The following LRP1B variants were observed in gnomAD, a reference collection of about 807,000 sequenced individuals.
LRP1B encodes LDL receptor related protein 1B.
LRP1B carries 217 observed loss-of-function variants against 556.6 expected under a neutral mutation model. The observed-to-expected ratio is 0.39, with a 90% confidence interval of 0.35 to 0.44. The LOEUF (loss-of-function observed/expected upper bound fraction) is 0.44. Ranked by LOEUF, LRP1B falls within the 20% of genes least tolerant of loss-of-function variation. LRP1B has a pLI of 1.00. For synonymous variants in LRP1B, 2,047 were observed against 1,865.8 expected (o/e 1.10, Z -2.50); for missense variants, 5,053 against 5,620.8 (o/e 0.90, Z 3.23).
At chr2:141,888,138 AAGTGGT>A (rs1699181266) in intron 1 of LRP1B, among the ~76,000 whole-genome samples, 2 of 152,194 alleles carry the variant, frequency 1.3e-5, no homozygotes, top group Non-Finnish European at 2.9e-5. Context: ...ACTTTGCCTA[AAGTGGT>A]CAAAATGTTC....
At chr2:140,619,845 T>C (rs1475660545) in intron 41 of LRP1B, among the ~76,000 whole-genome samples, 1 of 152,162 alleles carries the variant, frequency 6.6e-6, no homozygotes, top group Non-Finnish European at 1.5e-5. Context: ...AAATATTTCA[T>C]ATAAGTAAAA....
intron 35 of LRP1B, among the ~76,000 whole-genome samples, chr2:140,731,215 G>A (rs1434805149): frequency 1.3e-5 from 2 of 152,078 alleles, no homozygotes; most frequent in South Asian, 2.1e-4. Context: ...TCTCTCTATA[G>A]TTATACTTTA....
At chr2:141,171,100 C>T (rs1326978665) in intron 7 of LRP1B, among the ~76,000 whole-genome samples, 1 of 152,088 alleles carries the variant, frequency 6.6e-6, no homozygotes, top group Non-Finnish European at 1.5e-5. Flanking sequence ...CTCCTGTCTT[C>T]CTCACTGGCA....
chr2:141,452,153 A>G (rs1559077732), intron 3 of LRP1B, among the ~76,000 whole-genome samples: 1 of 152,186 alleles, frequency 6.6e-6, no homozygotes, highest in Non-Finnish European at 1.5e-5. Flanking sequence ...ACTGTACAAA[A>G]TTATTCCCAC....
chr2:140,473,250 A>C (rs1687841109), intron 60 of LRP1B, among the ~76,000 whole-genome samples: 1 of 151,994 alleles, frequency 6.6e-6, no homozygotes, highest in African/African-American at 2.4e-5. Flanking sequence ...GCACTTAATG[A>C]ATTTTTCACT....
intron 2 of LRP1B, among the ~76,000 whole-genome samples, chr2:141,637,967 G>A (rs918655355): frequency 6.6e-6 from 1 of 152,106 alleles, no homozygotes; most frequent in Non-Finnish European, 1.5e-5. Context: ...TTAAAAGGCA[G>A]GGGCAGGTGG....
chr2:141,643,778 T>A (rs1190367208), intron 2 of LRP1B, among the ~76,000 whole-genome samples: 4 of 152,124 alleles, frequency 2.6e-5, no homozygotes, highest in Non-Finnish European at 5.9e-5. Context: ...AGGACGATGC[T>A]GTGACCCCCT....
chr2:142,014,348 G>A (rs1351914451), intron 1 of LRP1B, among the ~76,000 whole-genome samples: 1 of 152,162 alleles, frequency 6.6e-6, no homozygotes, highest in Non-Finnish European at 1.5e-5. Flanking sequence ...TATGGCTTTA[G>A]TCTGGAATTC....
intron 86 of LRP1B, among the ~76,000 whole-genome samples, chr2:140,267,736 T>C (rs949695028): frequency 6.6e-6 from 1 of 151,978 alleles, no homozygotes; most frequent in Admixed American, 6.6e-5. Context: ...ACTATCAAAA[T>C]AGATTTTAAG....
chr2:141,589,177 A>G (rs1378246518), intron 2 of LRP1B, among the ~76,000 whole-genome samples: 1 of 152,198 alleles, frequency 6.6e-6, no homozygotes, highest in East Asian at 1.9e-4. Context: ...AAACAACATA[A>G]CAGCTAAAGT....
rs567726976 is a variant in LRP1B, at chr2:140,975,932, A to G, written c.2887+6228T>C. Reference sequence around the variant, plus strand: ...TATTTTTCTTTCTATTTACTTATGTATTATTTTTTTGAGGCTGGGTCTCAC... The same window carrying G: ...TATTTTTCTTTCTATTTACTTATGTGTTATTTTTTTGAGGCTGGGTCTCAC... On this transcript the variant is annotated intron_variant, in intron 18 of 90. Coordinates refer to ENST00000389484, the MANE Select transcript of LRP1B (RefSeq NM_018557.3). 2.4e-4 allele frequency among the ~76,000 whole-genome samples: 36 copies of G among 151,880 alleles called. 1 individual carries two copies. The highest frequency in any genetic ancestry group is 6.5e-4 in the African/African-American group (27 of 41,428).
At chr2:141,881,088 G>A (rs1698944027) in intron 1 of LRP1B, among the ~76,000 whole-genome samples, 1 of 151,824 alleles carries the variant, frequency 6.6e-6, no homozygotes, top group Admixed American at 6.6e-5. Flanking sequence ...TTCACAAGAA[G>A]GTAAAAAGGT....
chr2:141,571,520 T>C (rs1414140248), intron 2 of LRP1B, among the ~76,000 whole-genome samples: 10 of 152,092 alleles, frequency 6.6e-5, no homozygotes, highest in Admixed American at 5.9e-4. Flanking sequence ...AGAGTGCCTC[T>C]TCCCCTTCAA....
At chr2:141,575,581 A>C (rs2105270268) in intron 2 of LRP1B, among the ~76,000 whole-genome samples, 1 of 152,336 alleles carries the variant, frequency 6.6e-6, no homozygotes, top group Middle Eastern at 3.4e-3. Context: ...CAATTGCAAC[A>C]AAAGCCAAAA....
intron 2 of LRP1B, among the ~76,000 whole-genome samples, chr2:141,790,097 G>A (rs1220816246): frequency 6.6e-6 from 1 of 151,770 alleles, no homozygotes; most frequent in African/African-American, 2.4e-5. Flanking sequence ...AGGTGTTAAT[G>A]CCTTGGACAC....
chr2:140,577,499 C>G (rs1211145779), intron 43 of LRP1B, among the ~76,000 whole-genome samples: 1 of 151,850 alleles, frequency 6.6e-6, no homozygotes, highest in Admixed American at 6.6e-5. Flanking sequence ...TCACTGCAGC[C>G]TCAAACTCCT....
chr2:141,488,583 C>T (rs1485906450), intron 2 of LRP1B, among the ~76,000 whole-genome samples: 1 of 151,980 alleles, frequency 6.6e-6, no homozygotes. Context: ...CTCAGCTTCC[C>T]AAGTACCTAG....
chr2:141,490,475 A>G (rs1183518945), intron 2 of LRP1B, among the ~76,000 whole-genome samples: 1 of 151,974 alleles, frequency 6.6e-6, no homozygotes, highest in African/African-American at 2.4e-5. Context: ...TCCAAAAAGT[A>G]TAGGTTAAGT....
intron 7 of LRP1B, among the ~76,000 whole-genome samples, chr2:141,181,290 T>C (rs1019960807): frequency 4.6e-5 from 7 of 151,944 alleles, no homozygotes; most frequent in African/African-American, 1.2e-4. Flanking sequence ...AAGATCACAT[T>C]ACAGAGCAAA....
Sources: allele counts gnomAD v4.1 joint callset (sites outside exome capture counted in the v4.1 genomes callset), GRCh38; gene constraint gnomAD v4.1.1; transcripts MANE v1.5; gene names NCBI Gene and HGNC (gene_info 2026-07-23, HGNC 2026-07-21).